Variants in CSMD1 observed in about 807,000 individuals in gnomAD.
CSMD1 encodes CUB and sushi domain-containing protein 1.
Under a neutral mutation model 417.5 loss-of-function variants are expected in CSMD1, and 213 were observed. The ratio of observed to expected loss-of-function variants is 0.51; its 90% CI spans 0.46 to 0.57. CSMD1 has a LOEUF of 0.57. Ranked by LOEUF, CSMD1 falls within the 20% of genes least tolerant of loss-of-function variation. CSMD1 has a pLI of 0.00. For missense variants in CSMD1, 6,923 were observed against 4,529.7 expected (o/e 1.53, Z -15.17); for synonymous variants, 2,862 against 1,736.8 (o/e 1.65, Z -16.11).
At chr8:4,325,886 C>T (rs1799530311) in intron 3 of CSMD1, among the ~76,000 whole-genome samples, 1 of 152,104 alleles carries the variant, frequency 6.6e-6, no homozygotes, top group South Asian at 2.1e-4. Context: ...TCTGTATATG[C>T]ACATGGTCAG....
At chr8:3,617,769 T>C (rs759514324) in intron 7 of CSMD1, among the ~76,000 whole-genome samples, 38 of 152,198 alleles carry the variant, frequency 2.5e-4, no homozygotes, top group Non-Finnish European at 4.9e-4. Flanking sequence ...AGGAGCAATG[T>C]CGCAATTCTG....
intron 3 of CSMD1, among the ~76,000 whole-genome samples, chr8:4,215,463 T>G (rs1331496273): frequency 6.6e-6 from 1 of 150,724 alleles, no homozygotes; most frequent in Non-Finnish European, 1.5e-5. Flanking sequence ...TATTTTACAC[T>G]GAGAAAAGAA....
rs147330257 is a variant in CSMD1, at chr8:4,311,219, G to A, written c.415+108734C>T. The stretch of plus-strand genomic sequence containing the variant: ...GCACGTGAATGTTCATTATAGCACC[G>A]TTCACAACAGCAAAGGCACGGAATC... On this transcript the variant is annotated intron_variant, in intron 3 of 69. Coordinates refer to ENST00000635120, the MANE Select transcript of CSMD1 (RefSeq NM_033225.6). Among the ~76,000 whole-genome samples, 362 of 152,210 alleles carry A rather than the reference G, an allele frequency of 2.4e-3. 3 individuals are homozygous for A. Among genetic ancestry groups the A allele is most frequent in the African/African-American group, 8.2e-3 (341 of 41,522 alleles).
intron 4 of CSMD1, among the ~76,000 whole-genome samples, chr8:4,026,996 T>TA (rs1797096867): frequency 6.6e-6 from 1 of 152,184 alleles, no homozygotes; most frequent in Non-Finnish European, 1.5e-5. Flanking sequence ...GTAGTCCCAC[T>TA]ATGACAGATA....
At chr8:2,983,828 T>C (rs1436834732) in intron 54 of CSMD1, among the ~76,000 whole-genome samples, 2 of 152,094 alleles carry the variant, frequency 1.3e-5, no homozygotes, top group African/African-American at 4.8e-5. Flanking sequence ...AGGCAAACCA[T>C]GGAAATAAAG....
At chr8:4,698,997 C>T (rs1450622035) in intron 1 of CSMD1, among the ~76,000 whole-genome samples, 1 of 151,870 alleles carries the variant, frequency 6.6e-6, no homozygotes, top group Non-Finnish European at 1.5e-5. Context: ...CATGGTCATG[C>T]TTTGTGTCTC....
chr8:4,705,871 G>C (rs894136841), intron 1 of CSMD1, among the ~76,000 whole-genome samples: 1 of 152,074 alleles, frequency 6.6e-6, no homozygotes, highest in Non-Finnish European at 1.5e-5. Flanking sequence ...AAAATATACA[G>C]ATTCTTTCAT....
intron 7 of CSMD1, among the ~76,000 whole-genome samples, chr8:3,657,535 G>A (rs548703458): frequency 1.1e-4 from 16 of 152,248 alleles, no homozygotes; most frequent in South Asian, 4.1e-4. Context: ...GTGAGTTCAT[G>A]TCCTTTGCAG....
At chr8:3,437,505 T>A (rs1814645434) in intron 12 of CSMD1, among the ~76,000 whole-genome samples, 1 of 152,196 alleles carries the variant, frequency 6.6e-6, no homozygotes, top group South Asian at 2.1e-4. Context: ...CACTGGCAGC[T>A]TCTCCAGCCC....
intron 3 of CSMD1, among the ~76,000 whole-genome samples, chr8:4,241,225 G>C (rs1248854000): frequency 6.6e-6 from 1 of 152,128 alleles, no homozygotes; most frequent in African/African-American, 2.4e-5. Context: ...TAGCACACTA[G>C]AATAGAATTT....
At chr8:4,321,275 T>A (rs1224699220) in intron 3 of CSMD1, among the ~76,000 whole-genome samples, 1 of 152,144 alleles carries the variant, frequency 6.6e-6, no homozygotes, top group African/African-American at 2.4e-5. Flanking sequence ...CCTCGGTGTG[T>A]TGGTATGTTC....
At chr8:4,672,173 G>T (rs182820077) in intron 1 of CSMD1, among the ~76,000 whole-genome samples, 1 of 152,292 alleles carries the variant, frequency 6.6e-6, no homozygotes, top group Admixed American at 6.5e-5. Context: ...GCTTCCATTT[G>T]CCAAGTGTCC....
chr8:4,365,334 A>T (rs1802001234), intron 3 of CSMD1, among the ~76,000 whole-genome samples: 1 of 152,228 alleles, frequency 6.6e-6, no homozygotes. Context: ...AACTAATTGA[A>T]ATGCTAAGAT....
Position 4,836,133 on chromosome 8 carries a change from A to G in CSMD1, c.85+158199T>C, listed in dbSNP as rs756342202. ...GAGCTTCAGCTTTCCAATTTGAAAT[A>G]TAGGTTTTATAAGGCTACTTTAAAA... On this transcript the variant is annotated intron_variant, in intron 1 of 69. Transcript: ENST00000635120. 2.8e-3 allele frequency among the ~76,000 whole-genome samples: 422 copies of G among 152,284 alleles called. 5 individuals carry two copies. The highest frequency in any genetic ancestry group is 1.2e-3 in the Non-Finnish European group (79 of 68,008).
At chr8:3,245,573 C>T (rs549112285) in intron 26 of CSMD1, among the ~76,000 whole-genome samples, 18 of 152,226 alleles carry the variant, frequency 1.2e-4, no homozygotes, top group Non-Finnish European at 1.8e-4. Flanking sequence ...AATGCATCAT[C>T]AAGGAAGGTA....
intron 7 of CSMD1, among the ~76,000 whole-genome samples, chr8:3,704,430 G>A (rs983316147): frequency 2.6e-5 from 4 of 152,264 alleles, no homozygotes; most frequent in Admixed American, 6.5e-5. Flanking sequence ...ACAAACAAGA[G>A]AAGTGGTACT....
intron 25 of CSMD1, among the ~76,000 whole-genome samples, chr8:3,306,663 C>CAA (rs1554508641): frequency 6.6e-6 from 1 of 152,000 alleles, no homozygotes; most frequent in Admixed American, 6.6e-5. Flanking sequence ...AACAATGAAA[C>CAA]AGAAAGGTTA....
At chr8:3,892,131 A>T (rs996988611) in intron 5 of CSMD1, among the ~76,000 whole-genome samples, 4 of 97,254 alleles carry the variant, frequency 4.1e-5, no homozygotes, top group African/African-American at 8.0e-5. Context: ...CTCTAAGATA[A>T]TATCAGTAAA....
At chr8:3,578,031 C>T (rs1323432632) in intron 9 of CSMD1, among the ~76,000 whole-genome samples, 1 of 152,106 alleles carries the variant, frequency 6.6e-6, no homozygotes, top group East Asian at 1.9e-4. Flanking sequence ...TGCAGCTCAC[C>T]TTATTACCTG....
Sources: allele counts gnomAD v4.1 joint callset (sites outside exome capture counted in the v4.1 genomes callset), GRCh38; gene constraint gnomAD v4.1.1; transcripts MANE v1.5; gene names NCBI Gene and HGNC (gene_info 2026-07-23, HGNC 2026-07-21).